Variants in TENM2 observed in about 807,000 individuals in gnomAD.
The protein encoded by TENM2 is teneurin-2.
A neutral mutation model predicts 245.2 loss-of-function variants in TENM2; 52 were observed. That is an observed-to-expected ratio of 0.21 (90% CI 0.17 to 0.27). The LOEUF (loss-of-function observed/expected upper bound fraction) is 0.27. Among genes scored for constraint, TENM2 ranks in the 10% least tolerant of loss-of-function variants. TENM2 has a pLI of 1.00. For synonymous variants in TENM2, 1,363 were observed against 1,438.9 expected (o/e 0.95, Z 1.19); for missense variants, 3,046 against 3,666.8 (o/e 0.83, Z 4.37).
chr5:167,402,147 G>A (rs1245593544), intron 2 of TENM2, among the ~76,000 whole-genome samples: 1 of 152,084 alleles, frequency 6.6e-6, no homozygotes, highest in Non-Finnish European at 1.5e-5. Context: ...AGTAAAAGCT[G>A]GGTGGTCAGC....
chr5:167,056,886 G>A, the TENM2 span, among the ~76,000 whole-genome samples: 1 of 151,098 alleles, frequency 6.6e-6, no homozygotes, highest in Non-Finnish European at 1.5e-5. Context: ...TTAATTTTGA[G>A]AAATCCTCAG....
At chr5:167,741,551 A>G (rs116202088) in intron 2 of TENM2, among the ~76,000 whole-genome samples, 3,033 of 152,286 alleles carry the variant, frequency 0.02, 51 homozygotes, top group Non-Finnish European at 0.031. Flanking sequence ...TATTACCTCT[A>G]CACAAATTCC....
At chr5:167,152,113 A>G in the TENM2 span, among the ~76,000 whole-genome samples, 1 of 152,328 alleles carries the variant, frequency 6.6e-6, no homozygotes, top group South Asian at 2.1e-4. Context: ...TGGAAAAGAC[A>G]AGACACTAGG....
At chr5:167,795,662 AAAAGT>A (rs1765265762) in intron 2 of TENM2, among the ~76,000 whole-genome samples, 3 of 152,152 alleles carry the variant, frequency 2.0e-5, no homozygotes, top group Admixed American at 1.3e-4. Context: ...CATTGCTCCC[AAAAGT>A]AAAAGAAAGA....
chr5:167,003,467 A>G, the TENM2 span, among the ~76,000 whole-genome samples: 1 of 152,220 alleles, frequency 6.6e-6, no homozygotes, highest in Non-Finnish European at 1.5e-5. Context: ...AGGTCAGTTT[A>G]TATTTCCTCA....
intron 5 of TENM2, among the ~76,000 whole-genome samples, chr5:168,004,263 C>T (rs3909402): frequency 3.3e-5 from 5 of 152,146 alleles, no homozygotes; most frequent in Non-Finnish European, 7.3e-5. Flanking sequence ...TGCCTAACTT[C>T]ATAGTGTGAA....
At chr5:168,173,575 C>T (rs1191794517) in intron 13 of TENM2, among the ~76,000 whole-genome samples, 1 of 152,092 alleles carries the variant, frequency 6.6e-6, no homozygotes, top group Non-Finnish European at 1.5e-5. Context: ...ACAGAAAACA[C>T]CCTCCCCCAC....
chr5:167,017,326 T>C, the TENM2 span, among the ~76,000 whole-genome samples: 1 of 152,234 alleles, frequency 6.6e-6, no homozygotes, highest in Non-Finnish European at 1.5e-5. Flanking sequence ...TTCAATAAAA[T>C]GTTAAAAATC....
intron 2 of TENM2, among the ~76,000 whole-genome samples, chr5:167,403,545 T>TAGATA (rs1367831027): frequency 1.3e-5 from 2 of 152,096 alleles, no homozygotes; most frequent in Non-Finnish European, 2.9e-5. Context: ...AACGTATGGG[T>TAGATA]CATGGTAGAT....
At chr5:168,248,452 C>A in intron 27 of TENM2, 81 bp downstream of exon 29, 4 of 1,409,030 alleles carry the variant, frequency 2.8e-6, no homozygotes, top group Non-Finnish European at 3.8e-6. Flanking sequence ...GGAAGGTCTC[C>A]CATCTTATGG....
chr5:167,366,459 A>G (rs1191483691), intron 1 of TENM2, among the ~76,000 whole-genome samples: 3 of 152,160 alleles, frequency 2.0e-5, no homozygotes, highest in Non-Finnish European at 4.4e-5. Context: ...CAACAATCTA[A>G]GCATTTTCCG....
chr5:166,997,829 T>G, the TENM2 span, among the ~76,000 whole-genome samples: 1 of 152,142 alleles, frequency 6.6e-6, no homozygotes, highest in Admixed American at 6.5e-5. Context: ...GGATACTAAT[T>G]TCAGCACTGA....
intron 4 of TENM2, among the ~76,000 whole-genome samples, chr5:167,974,083 AAGGAAGG>A (rs1782087283): frequency 1.3e-4 from 1 of 7,598 alleles, no homozygotes; most frequent in Non-Finnish European, 2.0e-4. Flanking sequence ...GGAAGGAAGG[AAGGAAGG>A]GAAGGAAGGA....
At chr5:167,897,931 A>G (rs1441067797) in intron 3 of TENM2, among the ~76,000 whole-genome samples, 1 of 135,356 alleles carries the variant, frequency 7.4e-6, no homozygotes, top group Non-Finnish European at 1.5e-5. Flanking sequence ...GGCACCGGGT[A>G]CTACCTTAAA....
At chr5:168,227,709 G>A (rs768998360) in intron 24 of TENM2, among the ~76,000 whole-genome samples, 186 bp from the exon 27 acceptor site, 9 of 151,910 alleles carry the variant, frequency 5.9e-5, no homozygotes, top group Non-Finnish European at 7.4e-5. Flanking sequence ...TCTTTACGTG[G>A]ATCAGTAGTA....
At chr5:166,979,876 T>G in the TENM2 span, among the ~76,000 whole-genome samples, 1 of 151,452 alleles carries the variant, frequency 6.6e-6, no homozygotes, top group Non-Finnish European at 1.5e-5. Flanking sequence ...TTATAGGGAT[T>G]TTTTTTTAGG....
At chr5:168,151,403 T>G (rs1171211853) in intron 12 of TENM2, among the ~76,000 whole-genome samples, 9 of 152,226 alleles carry the variant, frequency 5.9e-5, no homozygotes, top group Admixed American at 5.9e-4. Flanking sequence ...AAGGCTTTCC[T>G]AAACCACGCA....
chr5:167,463,801 T>A (rs951982752), intron 2 of TENM2, among the ~76,000 whole-genome samples: 1 of 152,200 alleles, frequency 6.6e-6, no homozygotes, highest in Non-Finnish European at 1.5e-5. Flanking sequence ...CAGCCGAAGA[T>A]ATTTAATGTT....
intron 1 of TENM2, among the ~76,000 whole-genome samples, chr5:167,341,549 T>C (rs890078578): frequency 2.0e-5 from 3 of 152,118 alleles, no homozygotes; most frequent in Non-Finnish European, 4.4e-5. Context: ...TACTATGTTG[T>C]TAAATAATTC....
Sources: allele counts gnomAD v4.1 joint callset (sites outside exome capture counted in the v4.1 genomes callset), GRCh38; gene constraint gnomAD v4.1.1; transcripts MANE v1.5; gene names NCBI Gene and HGNC (gene_info 2026-07-23, HGNC 2026-07-21).